The following THSD7B variants were observed in gnomAD, a reference collection of about 807,000 sequenced individuals.
The protein encoded by THSD7B is thrombospondin type 1 domain containing 7B, also known as thrombospondin type-1 domain-containing protein 7B.
Under a neutral mutation model 213.6 loss-of-function variants are expected in THSD7B, and 138 were observed. The observed-to-expected ratio is 0.65, with a 90% CI of 0.56 to 0.74. The LOEUF (loss-of-function observed/expected upper bound fraction) is 0.74, where lower values mean the gene tolerates loss of function less well. THSD7B is among the 30% of genes least tolerant of loss of function. THSD7B has a pLI of 0.00. For synonymous variants in THSD7B, 742 were observed against 687.0 expected (o/e 1.08, Z -1.25); for missense variants, 1,931 against 1,991.5 (o/e 0.97, Z 0.58).
At chr2:136,985,399 G>T (rs935385826) in intron 2 of THSD7B, among the ~76,000 whole-genome samples, 1 of 152,152 alleles carries the variant, frequency 6.6e-6, no homozygotes, top group Non-Finnish European at 1.5e-5. Context: ...TTATCTGGCT[G>T]CTCTAGCCCC....
intron 14 of THSD7B, among the ~76,000 whole-genome samples, chr2:137,447,701 C>G (rs546601855): frequency 3.3e-5 from 5 of 151,256 alleles, no homozygotes; most frequent in African/African-American, 1.2e-4. Flanking sequence ...AGTGTATTCT[C>G]TCTTGTCAAT....
intron 5 of THSD7B, among the ~76,000 whole-genome samples, chr2:137,125,887 G>C (rs1688621903): frequency 6.6e-6 from 1 of 152,112 alleles, no homozygotes; most frequent in Admixed American, 6.5e-5. Context: ...TAATCTCCTT[G>C]TACATCTCCA....
intron 2 of THSD7B, among the ~76,000 whole-genome samples, chr2:137,043,747 C>T (rs1053750241): frequency 6.6e-6 from 1 of 152,080 alleles, no homozygotes; most frequent in African/African-American, 2.4e-5. Flanking sequence ...AGAACATGAG[C>T]ATGGGCCACT....
Position 137,211,365 on chromosome 2 carries a change from C to CACACACACACACACACACACACAT in THSD7B, c.1724-19679_1724-19678insACACACACACACACACACACACAT, listed in dbSNP as rs11274625. ...ACACACACACACACACACACACACA[C>CACACACACACACACACACACACAT]GGAATATATTATAGATGTTATAGTT... On this transcript the variant is annotated intron_variant, in intron 7 of 27. Coordinates refer to ENST00000409968, the MANE Select transcript of THSD7B (RefSeq NM_001316349.2). Among the ~76,000 whole-genome samples, 4 of 89,550 alleles carry CACACACACACACACACACACACAT rather than the reference C, an allele frequency of 4.5e-5. No homozygotes were observed. In the East Asian group the frequency reaches 2.3e-3, roughly 51 times the overall value. The allele number at this position is 89,550 out of a possible 152,430, so 58.7% of individuals were successfully genotyped here.
At chr2:136,982,335 T>G (rs1174786924) in intron 2 of THSD7B, among the ~76,000 whole-genome samples, 2 of 150,990 alleles carry the variant, frequency 1.3e-5, no homozygotes, top group Non-Finnish European at 2.9e-5. Flanking sequence ...TTTTTTTAAG[T>G]TTTCTTAACA....
chr2:137,636,539 TTTCA>T (rs1349392533), intron 20 of THSD7B, among the ~76,000 whole-genome samples: 1 of 152,230 alleles, frequency 6.6e-6, no homozygotes, highest in Non-Finnish European at 1.5e-5. Context: ...ATAAACCCAC[TTTCA>T]TTCTTTTAGT....
intron 2 of THSD7B, among the ~76,000 whole-genome samples, chr2:137,050,024 C>T (rs963200463): frequency 6.6e-6 from 1 of 152,128 alleles, no homozygotes; most frequent in Non-Finnish European, 1.5e-5. Context: ...CATTTTTGCT[C>T]CAAATGATTG....
intron 14 of THSD7B, among the ~76,000 whole-genome samples, chr2:137,414,877 A>G (rs908095177): frequency 6.6e-6 from 1 of 151,830 alleles, no homozygotes; most frequent in African/African-American, 2.4e-5. Flanking sequence ...CCAACATGGC[A>G]AAACCCCATC....
intron 2 of THSD7B, among the ~76,000 whole-genome samples, chr2:136,960,788 T>C (rs1172011615): frequency 6.6e-6 from 1 of 151,994 alleles, no homozygotes; most frequent in East Asian, 2.0e-4. Context: ...AACAATGACA[T>C]GTTTGAAAAT....
At chr2:137,500,283 A>C (rs1679671483) in intron 15 of THSD7B, among the ~76,000 whole-genome samples, 1 of 152,252 alleles carries the variant, frequency 6.6e-6, no homozygotes, top group Non-Finnish European at 1.5e-5. Context: ...ATAGAAGTTG[A>C]ATCTAAGGTT....
At chr2:137,091,748 CTCTTTAGTCACTCTA>C (rs1558917481) in intron 3 of THSD7B, among the ~76,000 whole-genome samples, 2 of 152,190 alleles carry the variant, frequency 1.3e-5, no homozygotes, top group African/African-American at 4.8e-5. Context: ...TTTTAATCAC[CTCTTTAGTCACTCTA>C]TCTCCAAATA....
chr2:137,104,460 G>A (rs551372236), intron 4 of THSD7B, among the ~76,000 whole-genome samples: 4 of 141,160 alleles, frequency 2.8e-5, no homozygotes, highest in South Asian at 4.2e-4. Context: ...CATAAGTGTC[G>A]AACATCACAA....
intron 12 of THSD7B, among the ~76,000 whole-genome samples, chr2:137,352,476 G>T (rs1685035574): frequency 1.3e-5 from 2 of 151,936 alleles, no homozygotes. Flanking sequence ...TGGCTCGTGG[G>T]TTAAGCCACT....
intron 2 of THSD7B, among the ~76,000 whole-genome samples, chr2:136,951,809 C>G (rs752647905): frequency 2.0e-5 from 3 of 152,184 alleles, no homozygotes; most frequent in Non-Finnish European, 2.9e-5. Context: ...TTCAGCCTTT[C>G]TCTGCCATCT....
intron 12 of THSD7B, among the ~76,000 whole-genome samples, chr2:137,324,626 A>G (rs1468801114): frequency 6.6e-6 from 1 of 152,206 alleles, no homozygotes; most frequent in Non-Finnish European, 1.5e-5. Context: ...CTGCTTTCTC[A>G]TATTGATTCT....
intron 14 of THSD7B, among the ~76,000 whole-genome samples, chr2:137,413,950 G>A (rs1313875546): frequency 1.3e-5 from 2 of 152,174 alleles, no homozygotes; most frequent in African/African-American, 4.8e-5. Context: ...GTAATTTTAA[G>A]ATGTAATTTA....
chr2:136,804,403 A>AACAC (rs3030361), intron 1 of THSD7B, among the ~76,000 whole-genome samples: 5,691 of 148,056 alleles, frequency 0.038, 145 homozygotes, highest in African/African-American at 0.055. Flanking sequence ...ACACACACAT[A>AACAC]ACACACACAC....
At chr2:137,519,231 A>G (rs1558825102) in intron 15 of THSD7B, among the ~76,000 whole-genome samples, 1 of 140,862 alleles carries the variant, frequency 7.1e-6, no homozygotes, top group Admixed American at 7.1e-5. Flanking sequence ...TAGCCTGGCA[A>G]GAGAGTGAGA....
At chr2:137,250,673 C>T (rs772741277) in intron 10 of THSD7B, among the ~76,000 whole-genome samples, 4 of 152,112 alleles carry the variant, frequency 2.6e-5, no homozygotes, top group Admixed American at 6.6e-5. Context: ...ATGAAACATA[C>T]AGAAATCTCT....
Sources: gnomAD v4.1 joint callset for allele counts (sites outside exome capture counted in the v4.1 genomes callset) on GRCh38, gnomAD v4.1.1 for gene constraint, MANE v1.5 for transcripts, NCBI Gene and HGNC (gene_info 2026-07-23, HGNC 2026-07-21) for gene names.